The following MLPH variants were observed in gnomAD, a reference collection of about 807,000 sequenced individuals.
The protein encoded by MLPH is exophilin-3.
A neutral mutation model predicts 72.1 loss-of-function variants in MLPH; 51 were observed. That is an observed-to-expected ratio of 0.71 (90% CI 0.56 to 0.89). The LOEUF is 0.89. Ranked by LOEUF, MLPH falls within the 40% of genes least tolerant of loss-of-function variation. MLPH has a pLI of 0.00. For synonymous variants in MLPH, 301 were observed against 310.1 expected, an observed-to-expected ratio of 0.97 and a Z score of 0.31; for missense variants, 743 against 759.9, an observed-to-expected ratio of 0.98 and a Z score of 0.26.
At chr2:237,496,157 G>C (rs2079531930) in intron 2 of MLPH, among the ~76,000 whole-genome samples, 1 of 152,170 alleles carries the variant, frequency 6.6e-6, no homozygotes, top group Non-Finnish European at 1.5e-5. Context: ...TGTCTCCAAG[G>C]CAGCCCTGGC....
At chr2:237,495,415 G>A (rs1346449486) in intron 2 of MLPH, among the ~76,000 whole-genome samples, 1 of 152,218 alleles carries the variant, frequency 6.6e-6, no homozygotes, top group Non-Finnish European at 1.5e-5. Flanking sequence ...AAAGCTGCAG[G>A]GCCATAGGAG....
At chr2:237,516,050 C>T (rs562202943) in intron 4 of MLPH, among the ~76,000 whole-genome samples, 1 of 152,348 alleles carries the variant, frequency 6.6e-6, no homozygotes, top group South Asian at 2.1e-4. Flanking sequence ...AATGCACACT[C>T]CAATGCACCA....
intron 7 of MLPH, 49 bp from the exon 8 acceptor site, chr2:237,527,328 G>C: frequency 6.2e-7 from 1 of 1,613,242 alleles, no homozygotes; most frequent in African/African-American, 1.3e-5. Context: ...ACGTCCATCA[G>C]CTTTCAGGTT....
At chr2:237,525,478 G>C (rs2080282077) in intron 6 of MLPH, 123 bp from the exon 7 acceptor site, 1 of 884,060 alleles carries the variant, frequency 1.1e-6, no homozygotes, top group African/African-American at 1.7e-5. Flanking sequence ...GCAGATGGGT[G>C]CCTAGTGCTG....
chr2:237,502,843 G>T (rs777004020), intron 2 of MLPH, among the ~76,000 whole-genome samples: 2 of 152,094 alleles, frequency 1.3e-5, no homozygotes, highest in African/African-American at 4.8e-5. Context: ...TTTTGACCAG[G>T]CTCGGTGACT....
At chr2:237,497,466 G>A (rs2106465570) in intron 2 of MLPH, among the ~76,000 whole-genome samples, 1 of 152,314 alleles carries the variant, frequency 6.6e-6, no homozygotes, top group Non-Finnish European at 1.5e-5. Flanking sequence ...CGTGAGCCCC[G>A]GGGAGTGGCA....
chr2:237,527,611 A>G, intron 8 of MLPH, 95 bp downstream of exon 8: 1 of 1,488,238 alleles, frequency 6.7e-7, no homozygotes, highest in African/African-American at 1.4e-5. Flanking sequence ...TACAGCTTTT[A>G]ATACTTTCAA....
intron 2 of MLPH, among the ~76,000 whole-genome samples, chr2:237,499,226 A>G (rs2079598480): frequency 6.6e-6 from 1 of 152,172 alleles, no homozygotes; most frequent in Non-Finnish European, 1.5e-5. Context: ...AGAAAAATAT[A>G]TACATAGCCC....
chr2:237,507,766 C>T (rs1261068222), intron 2 of MLPH, among the ~76,000 whole-genome samples: 1 of 152,220 alleles, frequency 6.6e-6, no homozygotes, highest in Non-Finnish European at 1.5e-5. Flanking sequence ...GCAATAAATA[C>T]TGTCACTTCT....
intron 5 of MLPH, 75 bp from the exon 6 acceptor site, chr2:237,519,835 G>A: frequency 1.9e-6 from 3 of 1,607,434 alleles, no homozygotes; most frequent in Admixed American, 3.3e-5. Flanking sequence ...GTGGGGTTGG[G>A]GAGGTGCAGG....
intron 7 of MLPH, 132 bp downstream of exon 7, chr2:237,525,937 T>A: frequency 1.1e-6 from 1 of 921,144 alleles, no homozygotes; most frequent in Non-Finnish European, 1.7e-6. Flanking sequence ...GGCGTGATTG[T>A]CCGGGACGTG....
chr2:237,533,079 C>T (rs1041098963), intron 8 of MLPH, among the ~76,000 whole-genome samples: 5 of 152,162 alleles, frequency 3.3e-5, no homozygotes, highest in African/African-American at 1.2e-4. Context: ...GCATCATAAC[C>T]GGGAGACCAC....
Position 237,519,454 on chromosome 2 carries a change from G to T in MLPH, c.556-456G>T, listed in dbSNP as rs913303482. On this transcript the variant is annotated intron_variant, in intron 5 of 15. Coordinates refer to ENST00000264605, the MANE Select transcript of MLPH (RefSeq NM_024101.7). ...TCAAAAGAATTATAATGAAATAGGG[G>T]TTTAGAACTAAATGCAGGCTCTTAC... Among the ~76,000 whole-genome samples, 4 of 152,324 alleles carry T rather than the reference G, an allele frequency of 2.6e-5. 1 individual carries two copies. The highest frequency in any genetic ancestry group is 1.3e-4 in the Admixed American group (2 of 15,306).
intron 8 of MLPH, among the ~76,000 whole-genome samples, chr2:237,532,261 A>T (rs1454988887): frequency 1.3e-5 from 2 of 152,124 alleles, no homozygotes; most frequent in Admixed American, 6.5e-5. Context: ...ATCACAGCTC[A>T]TCTGAGGGGT....
chr2:237,540,629 C>T, intron 10 of MLPH, 96 bp downstream of exon 10: 2 of 1,511,646 alleles, frequency 1.3e-6, no homozygotes, highest in Non-Finnish European at 1.8e-6. Flanking sequence ...AGGGAGGCAG[C>T]ACCCACAGGA....
chr2:237,510,279 T>C lies in MLPH; in HGVS notation c.111-295T>C, dbSNP rs1024215886. 5 of 444,700 alleles carry C rather than the reference T, an allele frequency of 1.1e-5. No homozygotes were observed. The highest frequency in any genetic ancestry group is 4.3e-5 in the South Asian group (2 of 46,818). The allele number at this position is 444,700 out of a possible 1,614,324, so 27.5% of individuals were successfully genotyped here. On this transcript the variant is annotated intron_variant, in intron 2 of 15. Transcript: ENST00000264605. The surrounding 1 kb of genome is among the most constrained non-coding windows in gnomAD (Gnocchi z 4.4). The stretch of plus-strand genomic sequence containing the variant: ...GGGCGCAGTGACCTGCCAACCAAAA[T>C]TGGTACAATTGTAAACAGCCACAGA...
At position 237,539,141 on chromosome 2, in the gene MLPH, TG is replaced by T. The variant is rs1276569706; in HGVS notation, c.1105-1200del. ...ATGGTCCAGGCTCTGCCTTTTACTA[TG>T]GGGGGGCGGGGAGGCTTGAGCAGAA... is the stretch of plus-strand genomic sequence containing the variant. On this transcript the variant is annotated intron_variant, in intron 9 of 15. Coordinates refer to ENST00000264605, the MANE Select transcript of MLPH (RefSeq NM_024101.7). 2.2e-5 allele frequency among the ~76,000 whole-genome samples: 3 copies of T among 134,494 alleles called. No homozygotes were observed. In the East Asian group the frequency reaches 7.1e-4, roughly 32 times the overall value. 88.2% of individuals were successfully genotyped at this position (134,494 alleles called of 152,430 possible).
At chr2:237,536,789 C>A (rs988212243) in intron 9 of MLPH, among the ~76,000 whole-genome samples, 2 of 152,200 alleles carry the variant, frequency 1.3e-5, no homozygotes, top group Non-Finnish European at 2.9e-5. Flanking sequence ...CAGCAACACT[C>A]GGGACCCGCT....
intron 4 of MLPH, among the ~76,000 whole-genome samples, chr2:237,517,780 G>T (rs549771975): frequency 1.3e-5 from 2 of 150,574 alleles, no homozygotes; most frequent in East Asian, 4.0e-4. Context: ...TAAATGGATG[G>T]GTGCATTGGT....
Sources: gnomAD v4.1 joint callset for allele counts (sites outside exome capture counted in the v4.1 genomes callset) on GRCh38, gnomAD v4.1.1 for gene constraint, Gnocchi (gnomAD v3.1) non-coding constraint, MANE v1.5 for transcripts, NCBI Gene and HGNC (gene_info 2026-07-23, HGNC 2026-07-21) for gene names.